The following MX2 variants were observed in gnomAD, a reference collection of about 807,000 sequenced individuals.
The protein encoded by MX2 is MX dynamin like GTPase 2.
In MX2, 51 loss-of-function variants were observed where a neutral mutation model predicts 74.0. The ratio of observed to expected loss-of-function variants is 0.69; its 90% CI spans 0.55 to 0.87. The LOEUF (loss-of-function observed/expected upper bound fraction) is 0.87. Among genes scored for constraint, MX2 ranks in the 40% least tolerant of loss-of-function variants. MX2 has a pLI of 0.00. For missense variants in MX2, 832 were observed against 908.7 expected (o/e 0.92, Z 1.09); for synonymous variants, 369 against 339.3 (o/e 1.09, Z -0.96).
rs186796343 is a variant in MX2 at position 41,388,121 on chromosome 21, G to A, written c.733-2444G>A. On this transcript the variant is annotated intron_variant, in intron 5 of 13. Coordinates refer to ENST00000330714, the MANE Select transcript of MX2 (RefSeq NM_002463.2). The surrounding 1 kb of genome is among the most constrained non-coding windows in gnomAD (Gnocchi z 4.0). Reference sequence around the variant, plus strand: ...GGGTTTCTCTGCCTCTGCCCTTCCCGGCAGCACCCATCCCAAGAATGTTTC... The same window carrying A: ...GGGTTTCTCTGCCTCTGCCCTTCCCAGCAGCACCCATCCCAAGAATGTTTC... Among the ~76,000 whole-genome samples the A allele has an allele frequency of 3.3e-5, 5 of 152,186 alleles. No individual in the cohort carries two copies. Among genetic ancestry groups the A allele is most frequent in the Admixed American group, 6.5e-5 (1 of 15,286 alleles).
chr21:41,400,703 C>CTTTA (rs34891525), intron 10 of MX2, among the ~76,000 whole-genome samples: 3 of 151,416 alleles, frequency 2.0e-5, no homozygotes, highest in Admixed American at 6.6e-5. Context: ...CTGCCAAACA[C>CTTTA]TTTATTTATT....
chr21:41,377,015 G>C lies in MX2; in HGVS notation c.109G>C (p.Gly37Arg). ...CTTCCAGCAACAGCCACCGCCATTC[G>C]GCACAGTGCCACCACAAATGATGTT... is the stretch of plus-strand genomic sequence containing the variant. ...NSFQQQPPPF[G>R]TVPPQMMFPP... is the part of the protein sequence containing the mutation. Residue 37 changes from glycine to arginine, a missense_variant, in exon 2 of 14, where the codon GGC becomes CGC. Physicochemically the swap from Gly to Arg is moderately radical, Grantham distance 125 (BLOSUM62 -2). Transcript: ENST00000330714. The C allele has an allele frequency of 1.2e-6, 2 of 1,614,176 alleles. No homozygotes were observed. The highest frequency in any genetic ancestry group is 1.7e-6 in the Non-Finnish European group (2 of 1,180,034).
rs1043249583 is a variant in MX2 at position 41,390,424 on chromosome 21, C to T, written c.733-141C>T. On this transcript the variant is annotated intron_variant, in intron 5 of 13. Coordinates refer to ENST00000330714, the MANE Select transcript of MX2 (RefSeq NM_002463.2). Reference sequence around the variant, plus strand: ...GCCGCCGGGGCAGGCATTCCCAGGACGGGGCTCGGCCTAGCAAAGCCCAGA... The same window carrying T: ...GCCGCCGGGGCAGGCATTCCCAGGATGGGGCTCGGCCTAGCAAAGCCCAGA... The T allele has an allele frequency of 2.7e-5, 34 of 1,248,672 alleles. No individual in the cohort carries two copies. In the East Asian group the frequency reaches 4.3e-4, roughly 16 times the overall value. The allele number at this position is 1,248,672 out of a possible 1,614,324, so 77.3% of individuals were successfully genotyped here.
chr21:41,362,375 G>T (rs561001335), intron 1 of MX2, among the ~76,000 whole-genome samples: 1 of 151,920 alleles, frequency 6.6e-6, no homozygotes, highest in South Asian at 2.1e-4. Flanking sequence ...TTTGCTCAGC[G>T]TCCTACAAAG....
At position 41,395,804 on chromosome 21, in the gene MX2, G is replaced by T. The variant is rs756322582; in HGVS notation, c.1070+19G>T. ...ATTTCAGGTGAGACTCTTCAGGAAAGCTCTGGAATTAGACTCCATGAAAGC... is the reference window on the plus strand; with the variant it reads ...ATTTCAGGTGAGACTCTTCAGGAAATCTCTGGAATTAGACTCCATGAAAGC... On this transcript the variant is annotated intron_variant, in intron 7 of 13. Coordinates refer to ENST00000330714, the MANE Select transcript of MX2 (RefSeq NM_002463.2). 6.8e-6 allele frequency: 11 copies of T among 1,613,400 alleles called. No homozygotes were observed. In the South Asian group the frequency reaches 1.1e-4, roughly 16 times the overall value.
chr21:41,389,152 G>A (rs367503), intron 5 of MX2, among the ~76,000 whole-genome samples: 35,840 of 151,600 alleles, frequency 0.24, 5,204 homozygotes, highest in Non-Finnish European at 0.33. Context: ...TTGTTCAGAA[G>A]TATAGCATCT....
At position 41,396,320 on chromosome 21, in the gene MX2, T is replaced by A. The variant is rs570870861; in HGVS notation, c.1070+535T>A. ...TATTAAATAGAAACTTAATAATAAC[T>A]GGCTTTATTAAATAGAAATTATCCT... On this transcript the variant is annotated intron_variant, in intron 7 of 13. Transcript: ENST00000330714. 1.2e-4 allele frequency among the ~76,000 whole-genome samples: 18 copies of A among 152,352 alleles called. No homozygotes were observed. In the South Asian group the frequency reaches 1.4e-3, roughly 12 times the overall value.
intron 6 of MX2, among the ~76,000 whole-genome samples, chr21:41,391,005 C>CA (rs776077046): frequency 0.12 from 13,432 of 115,986 alleles, 793 homozygotes; most frequent in South Asian, 0.23. Context: ...GACTCCATCT[C>CA]AAAAAAAAAA....
chr21:41,380,020 T>C lies in MX2; in HGVS notation c.446T>C (p.Ile149Thr). The C allele has an allele frequency of 6.2e-7, 1 of 1,613,810 alleles. No homozygotes were observed. The highest frequency in any genetic ancestry group is 8.5e-7 in the Non-Finnish European group (1 of 1,179,866). Residue 149 changes from isoleucine (I) to threonine (T), a missense_variant, in exon 4 of 14, where the codon ATC becomes ACC. Physicochemically the swap from Ile to Thr is moderately conservative, Grantham distance 89 (BLOSUM62 -1). Coordinates refer to ENST00000330714, the MANE Select transcript of MX2 (RefSeq NM_002463.2). This position sits in a 1 kb window ranked among gnomAD's most constrained non-coding sequence, Gnocchi z 4.3. ...ATTTGGGGAACCTCTCGCTCAGGAA[T>C]CGTAACCAGGTGTCCGCTGGTGCTG... ...SGVALPRGSG[I>T]VTRCPLVLKL...
intron 6 of MX2, among the ~76,000 whole-genome samples, chr21:41,393,066 T>G (rs1183463374): frequency 7.9e-6 from 1 of 127,156 alleles, no homozygotes; most frequent in Non-Finnish European, 1.5e-5. Context: ...ATTGCACCAC[T>G]GCACTCCAGC....
At chr21:41,397,535 C>G (rs2089751618) in intron 7 of MX2, 78 bp from the exon 8 acceptor site, 2 of 1,344,092 alleles carry the variant, frequency 1.5e-6, no homozygotes, top group East Asian at 4.7e-5. Flanking sequence ...CTGGGCTCAC[C>G]TACCACGCAC....
chr21:41,398,809 C>T, intron 8 of MX2, 88 bp from the exon 9 acceptor site: 1 of 1,528,086 alleles, frequency 6.5e-7, no homozygotes, highest in African/African-American at 1.4e-5. Flanking sequence ...TTCCTGGATG[C>T]TTTAAAGGGC....
chr21:41,381,706 A>G (rs906146860), intron 4 of MX2, among the ~76,000 whole-genome samples: 1 of 151,686 alleles, frequency 6.6e-6, no homozygotes, highest in East Asian at 1.9e-4. Flanking sequence ...AAAAAAAAAA[A>G]AGAATGAATA....
rs2089893815 is a variant in MX2 at position 41,406,900 on chromosome 21, C to A, written c.1807C>A (p.Pro603Thr). Reference protein sequence around the residue: ...REEIFNPLGTPSQNMKLNSHF... With the variant: ...REEIFNPLGTTSQNMKLNSHF... ...AGAGATTTTTAACCCTCTGGGGACG[C>A]CTTCACAGAATATGAAGTTGAACTC... The change falls in exon 13 of 14, where the codon CCT becomes ACT. Residue 603 changes from proline (P) to threonine (T), a missense_variant. By Grantham distance (38) the Pro-to-Thr change is conservative. Coordinates refer to ENST00000330714, the MANE Select transcript of MX2 (RefSeq NM_002463.2). 1 of 1,614,028 alleles carries A rather than the reference C, an allele frequency of 6.2e-7. No individual in the cohort carries two copies. Among genetic ancestry groups the A allele is most frequent in the Non-Finnish European group, 8.5e-7 (1 of 1,180,018 alleles).
chr21:41,397,818 T>C, intron 8 of MX2, 127 bp downstream of exon 8: 4 of 703,314 alleles, frequency 5.7e-6, no homozygotes, highest in Non-Finnish European at 9.6e-6. Context: ...CTGAACACTG[T>C]CTCACTCACT....
At position 41,397,632 on chromosome 21, in the gene MX2, T is replaced by A; in HGVS notation, c.1090T>A (p.Ser364Thr). 6.2e-7 allele frequency: 1 copy of A among 1,614,022 alleles called. No homozygotes were observed. The highest frequency in any genetic ancestry group is 8.5e-7 in the Non-Finnish European group (1 of 1,179,930). Residue 364 changes from serine to threonine, a missense_variant, in exon 8 of 14, where the codon TCA (serine) becomes ACA (threonine). Transcript: ENST00000330714. Reference sequence around the variant, plus strand: ...TTTCAGAGTTCTCCTGGAGGAGGGGTCAGCCACGGTTCCCCGACTGGCAGA... The same window carrying A: ...TTTCAGAGTTCTCCTGGAGGAGGGGACAGCCACGGTTCCCCGACTGGCAGA... ...PYFRVLLEEG[S>T]ATVPRLAERL...
At chr21:41,390,753 C>T in intron 6 of MX2, 50 bp downstream of exon 6, 1 of 1,599,584 alleles carries the variant, frequency 6.3e-7, no homozygotes, top group Admixed American at 1.7e-5. Context: ...AGCCTGTAAT[C>T]CCAGCACTTT....
intron 6 of MX2, 52 bp downstream of exon 6, chr21:41,390,755 C>T (rs1352622204): frequency 3.1e-6 from 5 of 1,598,914 alleles, no homozygotes; most frequent in Non-Finnish European, 4.3e-6. Context: ...CCTGTAATCC[C>T]AGCACTTTGG....
intron 1 of MX2, among the ~76,000 whole-genome samples, chr21:41,371,739 C>T (rs549190553): frequency 3.8e-4 from 58 of 152,198 alleles, no homozygotes; most frequent in African/African-American, 1.3e-3. Context: ...CTGCTTACTC[C>T]TTAAGCAGCT....
Sources: gnomAD v4.1 joint callset for allele counts (sites outside exome capture counted in the v4.1 genomes callset) on GRCh38, gnomAD v4.1.1 for gene constraint, Gnocchi (gnomAD v3.1) non-coding constraint, MANE v1.5 for transcripts, NCBI Gene and HGNC (gene_info 2026-07-23, HGNC 2026-07-21) for gene names.